The following GRK3 variants were observed in gnomAD, a reference collection of about 807,000 sequenced individuals.
The protein encoded by GRK3 is adrenergic, beta, receptor kinase 2.
In GRK3, 54 loss-of-function variants were observed where a neutral mutation model predicts 95.7. The ratio of observed to expected loss-of-function variants is 0.56; its 90% CI spans 0.45 to 0.71. GRK3 has a LOEUF of 0.71. GRK3 is among the 30% of genes least tolerant of loss of function. GRK3 has a pLI of 0.00. For synonymous variants in GRK3, 281 were observed against 290.8 expected (o/e 0.97, Z 0.34); for missense variants, 649 against 851.2 (o/e 0.76, Z 2.96).
intron 3 of GRK3, among the ~76,000 whole-genome samples, chr22:25,649,500 A>G (rs1485452500): frequency 6.6e-5 from 10 of 152,192 alleles, no homozygotes; most frequent in Non-Finnish European, 1.3e-4. Context: ...TAGCATGGTA[A>G]TGAAGGACAG....
chr22:25,622,565 G>A (rs2084594708), intron 2 of GRK3, among the ~76,000 whole-genome samples: 1 of 152,182 alleles, frequency 6.6e-6, no homozygotes, highest in Admixed American at 6.5e-5. Context: ...AGAAAAGAGG[G>A]GAGGCAGGGA....
At position 25,718,266 on chromosome 22, in the gene GRK3, G is replaced by A. The variant is rs1464402512; in HGVS notation, c.1676G>A (p.Cys559Tyr). 1 of 1,614,042 alleles carries A rather than the reference G, an allele frequency of 6.2e-7. No individual in the cohort carries two copies. The highest frequency in any genetic ancestry group is 8.5e-7 in the Non-Finnish European group (1 of 1,180,014). ...HEEDYALGKD[C>Y]IMHGYMLKLG... ...TCAGATTACGCTCTGGGGAAGGACT[G>A]TATTATGCACGGGTACATGCTGAAA... The change falls in exon 19 of 21, where the codon TGT (cysteine) becomes TAT (tyrosine). Residue 559 changes from cysteine to tyrosine, a missense_variant. Physicochemically the swap from Cys to Tyr is radical, Grantham distance 194. Coordinates refer to ENST00000324198, the MANE Select transcript of GRK3 (RefSeq NM_005160.4).
At chr22:25,582,736 G>A (rs1932145629) in intron 1 of GRK3, among the ~76,000 whole-genome samples, 1 of 152,206 alleles carries the variant, frequency 6.6e-6, no homozygotes, top group Non-Finnish European at 1.5e-5. Context: ...GAAGAGTGAT[G>A]TGTGGTAGCT....
intron 15 of GRK3, among the ~76,000 whole-genome samples, chr22:25,709,259 G>A (rs2085324909): frequency 6.6e-6 from 1 of 151,178 alleles, no homozygotes; most frequent in African/African-American, 2.4e-5. Context: ...GGATGGTCTT[G>A]ATCTCCTGAC....
chr22:25,721,329 CAAATT>C lies in GRK3; in HGVS notation c.1841_1845del (p.Ile614ArgfsTer20), dbSNP rs772828949. On this transcript the variant is annotated frameshift_variant, in exon 20 of 21. Transcript: ENST00000324198. LOFTEE classifies it high-confidence loss of function. ...ACAGATTCTCTCTGTGGAAGAAACT[CAAATT>C]AAAGACAAAAAATGCATTTTGTTCA... 1.4e-5 allele frequency: 23 copies of C among 1,605,450 alleles called. No homozygotes were observed. The highest frequency in any genetic ancestry group is 3.4e-5 in the Admixed American group (2 of 58,700).
chr22:25,577,591 C>T (rs1240369447), intron 1 of GRK3, among the ~76,000 whole-genome samples: 3 of 152,188 alleles, frequency 2.0e-5, no homozygotes, highest in Admixed American at 2.0e-4. Flanking sequence ...TTGTTGAGCT[C>T]AGCTTGGGAC....
At chr22:25,567,951 A>C (rs1453572299) in intron 1 of GRK3, among the ~76,000 whole-genome samples, 1 of 152,226 alleles carries the variant, frequency 6.6e-6, no homozygotes, top group African/African-American at 2.4e-5. Context: ...GCAAGAGGCA[A>C]ATATTTTGTT....
rs528064566 is a variant in GRK3, at chr22:25,638,245, C to T, written c.191-6347C>T. 8.5e-5 allele frequency among the ~76,000 whole-genome samples: 13 copies of T among 152,256 alleles called. 1 individual carries two copies. In the South Asian group the frequency reaches 1.7e-3, roughly 19 times the overall value. On this transcript the variant is annotated intron_variant, in intron 2 of 20. Transcript: ENST00000324198. ...CTTGGATGATGTTTGCTCTTTTCTT[C>T]GATGTCTTGCAACTTAAATACCATC... is the stretch of plus-strand genomic sequence containing the variant.
intron 2 of GRK3, among the ~76,000 whole-genome samples, chr22:25,639,106 T>C (rs192814133): frequency 6.6e-6 from 1 of 152,340 alleles, no homozygotes; most frequent in Admixed American, 6.5e-5. Flanking sequence ...GAATCCAAAT[T>C]TACAAGGCAT....
intron 2 of GRK3, among the ~76,000 whole-genome samples, chr22:25,617,587 G>A (rs910110874): frequency 6.6e-6 from 1 of 152,120 alleles, no homozygotes; most frequent in Non-Finnish European, 1.5e-5. Flanking sequence ...GCATAGTCTT[G>A]CCCTTTGGGT....
At chr22:25,689,809 C>T (rs2085150844) in intron 11 of GRK3, among the ~76,000 whole-genome samples, 1 of 152,194 alleles carries the variant, frequency 6.6e-6, no homozygotes. Flanking sequence ...TTCTCAGAAG[C>T]CCAGAAGCTG....
chr22:25,670,879 T>TAAAAAA (rs1385890004), intron 6 of GRK3, among the ~76,000 whole-genome samples: 9 of 34,198 alleles, frequency 2.6e-4, no homozygotes, highest in Non-Finnish European at 4.2e-4. Context: ...CTACTAAAAA[T>TAAAAAA]ACAAAAAAAA....
chr22:25,644,287 C>T (rs758562391), intron 2 of GRK3, among the ~76,000 whole-genome samples: 3 of 151,554 alleles, frequency 2.0e-5, no homozygotes, highest in South Asian at 4.2e-4. Flanking sequence ...CAATGGTCAG[C>T]GGCTCCAAGT....
intron 18 of GRK3, among the ~76,000 whole-genome samples, chr22:25,716,388 A>AG (rs1049557496): frequency 1.3e-5 from 2 of 152,234 alleles, no homozygotes; most frequent in African/African-American, 2.4e-5. Flanking sequence ...GACTTGCTCA[A>AG]GGGGGGGTCA....
intron 13 of GRK3, among the ~76,000 whole-genome samples, chr22:25,698,881 G>A (rs1303815453): frequency 6.6e-6 from 1 of 152,178 alleles, no homozygotes; most frequent in Admixed American, 6.5e-5. Flanking sequence ...CTTCTGTAAC[G>A]CTTCAGTGTT....
chr22:25,712,846 A>G (rs375922353), intron 17 of GRK3, among the ~76,000 whole-genome samples: 1 of 152,256 alleles, frequency 6.6e-6, no homozygotes, highest in Non-Finnish European at 1.5e-5. Flanking sequence ...ACTTAGAACA[A>G]GAAGTCCTGT....
intron 15 of GRK3, among the ~76,000 whole-genome samples, 184 bp from the exon 16 acceptor site, chr22:25,709,714 A>G (rs1181803490): frequency 1.3e-5 from 2 of 152,200 alleles, no homozygotes; most frequent in African/African-American, 4.8e-5. Context: ...CAGGCGCTGC[A>G]TGCAGTATTC....
At chr22:25,615,732 A>G (rs1197714536) in intron 2 of GRK3, among the ~76,000 whole-genome samples, 2 of 146,470 alleles carry the variant, frequency 1.4e-5, no homozygotes, top group Non-Finnish European at 3.0e-5. Flanking sequence ...CCACAAATAC[A>G]TACTGTCCAC....
intron 13 of GRK3, among the ~76,000 whole-genome samples, chr22:25,702,424 C>A (rs762107758): frequency 6.6e-6 from 1 of 152,096 alleles, no homozygotes; most frequent in Non-Finnish European, 1.5e-5. Context: ...TAATATCCTG[C>A]CTGCCTCAGA....
Sources: allele counts gnomAD v4.1 joint callset (sites outside exome capture counted in the v4.1 genomes callset), GRCh38; gene constraint gnomAD v4.1.1; transcripts MANE v1.5; gene names NCBI Gene and HGNC (gene_info 2026-07-23, HGNC 2026-07-21).